The following DAB1 variants were observed in gnomAD, a reference collection of about 807,000 sequenced individuals.
DAB1 encodes disabled homolog 1.
DAB1 carries 15 observed loss-of-function variants against 64.6 expected under a neutral mutation model. That is an observed-to-expected ratio of 0.23 (90% CI 0.16 to 0.36). The LOEUF (loss-of-function observed/expected upper bound fraction) is 0.36. DAB1 is among the 10% of genes least tolerant of loss of function. The probability of loss-of-function intolerance (pLI) is 1.00; values close to 1 mark genes in which losing one functional copy is unlikely to be tolerated. For synonymous variants in DAB1, 235 were observed against 251.9 expected, an observed-to-expected ratio of 0.93 and a Z score of 0.64; for missense variants, 596 against 706.7, an observed-to-expected ratio of 0.84 and a Z score of 1.78.
intron 3 of DAB1, among the ~76,000 whole-genome samples, chr1:58,416,125 C>T (rs1296603576): frequency 6.6e-6 from 1 of 152,074 alleles, no homozygotes; most frequent in Non-Finnish European, 1.5e-5. Flanking sequence ...TAAGGAAATG[C>T]ATCTTAGAGA....
At chr1:57,928,360 C>T (rs967898837) in intron 5 of DAB1, among the ~76,000 whole-genome samples, 6 of 152,050 alleles carry the variant, frequency 3.9e-5, no homozygotes, top group Non-Finnish European at 7.4e-5. Flanking sequence ...CCCGTATACT[C>T]TCCACCCCCA....
chr1:57,600,170 T>C (rs1011547379), intron 7 of DAB1, among the ~76,000 whole-genome samples: 1 of 152,174 alleles, frequency 6.6e-6, no homozygotes, highest in Non-Finnish European at 1.5e-5. Context: ...TCTTTTGCCA[T>C]GTCTGCATCC....
At chr1:57,847,882 C>G (rs576094949) in intron 1 of DAB1, among the ~76,000 whole-genome samples, 6 of 152,034 alleles carry the variant, frequency 3.9e-5, no homozygotes, top group Non-Finnish European at 8.8e-5. Context: ...TTACAATGCT[C>G]CAGGCATTGT....
At chr1:57,536,118 A>C (rs1644724516) in intron 7 of DAB1, among the ~76,000 whole-genome samples, 1 of 152,194 alleles carries the variant, frequency 6.6e-6, no homozygotes, top group African/African-American at 2.4e-5. Context: ...TTAGCTCCAC[A>C]GTAGATTGTG....
intron 2 of DAB1, among the ~76,000 whole-genome samples, chr1:57,236,370 C>T (rs779492676): frequency 7.9e-5 from 12 of 152,050 alleles, no homozygotes; most frequent in Non-Finnish European, 1.3e-4. Context: ...TCACTTCGGC[C>T]GGACCTGAAA....
intron 3 of DAB1, among the ~76,000 whole-genome samples, chr1:58,387,621 G>T (rs1418209995): frequency 6.6e-6 from 1 of 152,036 alleles, no homozygotes; most frequent in Non-Finnish European, 1.5e-5. Flanking sequence ...AGTCTGTCTG[G>T]ACATGGTGAG....
At chr1:57,363,650 G>A (rs370553634) in intron 1 of DAB1, among the ~76,000 whole-genome samples, 75 of 152,308 alleles carry the variant, frequency 4.9e-4, no homozygotes, top group African/African-American at 1.8e-3. Flanking sequence ...GTAGGATACA[G>A]GAGACTGAGA....
intron 5 of DAB1, among the ~76,000 whole-genome samples, chr1:58,114,987 G>C (rs1385374312): frequency 1.3e-5 from 2 of 152,012 alleles, no homozygotes; most frequent in East Asian, 3.9e-4. Flanking sequence ...ATTGACAAAT[G>C]GGATCTAATT....
chr1:58,161,937 G>T (rs567148804), intron 4 of DAB1, among the ~76,000 whole-genome samples: 2 of 152,160 alleles, frequency 1.3e-5, no homozygotes, highest in Non-Finnish European at 2.9e-5. Context: ...GCAATATAAA[G>T]AATGGGATTT....
At chr1:58,506,256 AT>A (rs778260519) in intron 2 of DAB1, 2 of 812,196 alleles carry the variant, frequency 2.5e-6, no homozygotes, top group Non-Finnish European at 4.2e-6. Flanking sequence ...AGTTTTGAGG[AT>A]TTTTTAAAAA....
At chr1:57,847,165 G>T (rs547653446) in intron 1 of DAB1, among the ~76,000 whole-genome samples, 1 of 152,202 alleles carries the variant, frequency 6.6e-6, no homozygotes, top group Admixed American at 6.5e-5. Flanking sequence ...ATGCTCAGTG[G>T]CCTGGCTGCC....
At chr1:57,319,783 G>A (rs1675540272) in intron 1 of DAB1, among the ~76,000 whole-genome samples, 1 of 151,864 alleles carries the variant, frequency 6.6e-6, no homozygotes, top group African/African-American at 2.4e-5. Context: ...CTTGCTTTGT[G>A]GGAGTTCCTT....
intron 1 of DAB1, among the ~76,000 whole-genome samples, chr1:57,344,983 G>A (rs560764068): frequency 3.6e-4 from 55 of 152,286 alleles, no homozygotes; most frequent in African/African-American, 9.9e-4. Context: ...GTGCTACCCC[G>A]ATAGGATATG....
intron 5 of DAB1, among the ~76,000 whole-genome samples, chr1:58,138,714 A>G (rs1157127692): frequency 6.6e-6 from 1 of 152,186 alleles, no homozygotes; most frequent in Admixed American, 6.5e-5. Flanking sequence ...CTGGTGGTGA[A>G]AAATATGGAA....
Position 57,894,127 on chromosome 1 carries a change from AC to A in DAB1, n.388-9966del, listed in dbSNP as rs373590903. On this transcript the variant is annotated intron_variant and non_coding_transcript_variant, in intron 5 of 20. Transcript: ENST00000485760. ...CCCCGGAAGTATGCCAACGTATAAGACCCCAGGTCGAAAGGTCAAACCCCAC... is the reference window on the plus strand; with the variant it reads ...CCCCGGAAGTATGCCAACGTATAAGACCCAGGTCGAAAGGTCAAACCCCAC... Among the ~76,000 whole-genome samples, 10 of 152,096 alleles carry A rather than the reference AC, an allele frequency of 6.6e-5. No homozygotes were observed. The East Asian group carries it at 1.9e-3, about 29-fold the overall frequency.
intron 7 of DAB1, among the ~76,000 whole-genome samples, chr1:57,496,220 C>A (rs1350934735): frequency 1.3e-5 from 2 of 152,126 alleles, no homozygotes; most frequent in African/African-American, 4.8e-5. Flanking sequence ...AGCTCCTTAC[C>A]TCCCCACCCT....
At chr1:57,585,422 T>C (rs1175723464) in intron 7 of DAB1, among the ~76,000 whole-genome samples, 2 of 152,320 alleles carry the variant, frequency 1.3e-5, no homozygotes, top group East Asian at 1.9e-4. Flanking sequence ...CAAGATTCTA[T>C]ATATGCATGT....
intron 4 of DAB1, among the ~76,000 whole-genome samples, chr1:58,154,679 G>A (rs1655127452): frequency 6.6e-6 from 1 of 152,114 alleles, no homozygotes; most frequent in African/African-American, 2.4e-5. Context: ...CCAGAAAAGG[G>A]GAGTAATTGT....
chr1:57,784,059 G>C (rs1650229550), intron 6 of DAB1, among the ~76,000 whole-genome samples: 1 of 152,192 alleles, frequency 6.6e-6, no homozygotes, highest in African/African-American at 2.4e-5. Context: ...AGCTTAGTGA[G>C]GAAGGTATGT....
Sources: gnomAD v4.1 joint callset for allele counts (sites outside exome capture counted in the v4.1 genomes callset) on GRCh38, gnomAD v4.1.1 for gene constraint, MANE v1.5 for transcripts, NCBI Gene and HGNC (gene_info 2026-07-23, HGNC 2026-07-21) for gene names.